The following EIF5B variants were observed in gnomAD, a reference collection of about 807,000 sequenced individuals.
EIF5B encodes the protein eIF-5B.
A neutral mutation model predicts 147.5 loss-of-function variants in EIF5B; 47 were observed. The observed-to-expected ratio is 0.32, with a 90% CI of 0.25 to 0.41. The LOEUF is 0.41. EIF5B is among the 10% of genes least tolerant of loss of function. The probability of loss-of-function intolerance (pLI) is 1.00; values close to 1 mark genes in which losing one functional copy is unlikely to be tolerated. For synonymous variants in EIF5B, 455 were observed against 456.2 expected, an observed-to-expected ratio of 1.00 and a Z score of 0.03; for missense variants, 1,064 against 1,413.2, an observed-to-expected ratio of 0.75 and a Z score of 3.96.
intron 1 of EIF5B, among the ~76,000 whole-genome samples, chr2:99,338,142 C>T (rs1452461336): frequency 6.8e-6 from 1 of 148,016 alleles, no homozygotes; most frequent in Admixed American, 7.0e-5. Context: ...TTGTCCAGCC[C>T]TCATGCTTTT....
chr2:99,338,413 T>C, intron 1 of EIF5B: 1 of 1,108,592 alleles, frequency 9.0e-7, no homozygotes, highest in Non-Finnish European at 1.2e-6. Context: ...CAACATCTGT[T>C]ACATTACACG....
At chr2:99,343,146 C>T (rs1428037400) in intron 1 of EIF5B, among the ~76,000 whole-genome samples, 2 of 151,114 alleles carry the variant, frequency 1.3e-5, no homozygotes, top group Non-Finnish European at 3.0e-5. Context: ...AGTAGAGATG[C>T]GGTTTCACCA....
rs1475022117 is a variant in EIF5B at position 99,360,367 on chromosome 2, T to G, written c.161+6T>G. 6.3e-7 allele frequency: 1 copy of G among 1,585,116 alleles called. No individual in the cohort carries two copies. On this transcript the variant is annotated splice_donor_region_variant and intron_variant, in intron 2 of 23. Transcript: ENST00000289371. ...AAAAAAAAGCAGGACTTTGAGTAAG[T>G]ATATTTTAAATATATTTGATTTTTA...
In EIF5B at chr2:99,394,576, A is replaced by AT; in HGVS notation, c.3081dup (p.Asp1028Ter). Reference sequence around the variant, plus strand: ...ATGAAGGCTTCAGTGATGTTGGAACATGACCCTCAGTAAGTAATTTCTCTT... The same window carrying AT: ...ATGAAGGCTTCAGTGATGTTGGAACATTGACCCTCAGTAAGTAATTTCTCTT... On this transcript the variant is annotated frameshift_variant, in exon 20 of 24. Transcript: ENST00000289371. LOFTEE classifies it high-confidence loss of function. 6.2e-7 allele frequency: 1 copy of AT among 1,614,204 alleles called. No individual in the cohort carries two copies. The highest frequency in any genetic ancestry group is 8.5e-7 in the Non-Finnish European group (1 of 1,180,028).
intron 1 of EIF5B, among the ~76,000 whole-genome samples, chr2:99,346,503 A>C (rs2094273612): frequency 6.6e-6 from 1 of 151,772 alleles, no homozygotes; most frequent in African/African-American, 2.4e-5. Flanking sequence ...ATTAAGGATC[A>C]GAGTTAACTT....
intron 14 of EIF5B, among the ~76,000 whole-genome samples, chr2:99,389,314 T>C (rs1162133508): frequency 1.3e-5 from 2 of 152,352 alleles, no homozygotes; most frequent in African/African-American, 4.8e-5. Flanking sequence ...TAAAATAGGC[T>C]GTTCCCTTAG....
intron 12 of EIF5B, among the ~76,000 whole-genome samples, chr2:99,381,737 T>C (rs1175132380): frequency 1.3e-5 from 2 of 152,136 alleles, no homozygotes; most frequent in African/African-American, 4.8e-5. Context: ...AAATTTACTT[T>C]AAAATGTACT....
intron 6 of EIF5B, among the ~76,000 whole-genome samples, chr2:99,367,009 T>C (rs1674341062): frequency 6.6e-6 from 1 of 152,188 alleles, no homozygotes; most frequent in African/African-American, 2.4e-5. Context: ...CCAAAACCAG[T>C]TTTAATTCCC....
intron 14 of EIF5B, among the ~76,000 whole-genome samples, chr2:99,383,859 G>T (rs1380295781): frequency 8.3e-6 from 1 of 120,916 alleles, no homozygotes; most frequent in Non-Finnish European, 1.8e-5. Flanking sequence ...CAAAGGTCAG[G>T]CTGACTCTCT....
chr2:99,390,513 A>T, intron 16 of EIF5B, 31 bp from the exon 17 acceptor site: 1 of 1,598,912 alleles, frequency 6.3e-7, no homozygotes, highest in Non-Finnish European at 8.5e-7. Flanking sequence ...CATTGTATGT[A>T]TGTCTTTCTC....
At chr2:99,375,132 A>G (rs1336149229) in intron 9 of EIF5B, among the ~76,000 whole-genome samples, 1 of 152,226 alleles carries the variant, frequency 6.6e-6, no homozygotes, top group Admixed American at 6.5e-5. Flanking sequence ...TGTTAGAAGC[A>G]CAGCCATTTT....
At position 99,361,435 on chromosome 2, in the gene EIF5B, A is replaced by C. The variant is rs1207637308; in HGVS notation, c.534A>C (p.Ser178=). 10 of 1,614,054 alleles carry C rather than the reference A, an allele frequency of 6.2e-6. No individual in the cohort carries two copies. The highest frequency in any genetic ancestry group is 8.5e-6 in the Non-Finnish European group (10 of 1,180,022). The change falls in exon 4 of 24, where the codon TCA becomes TCC. Residue 178 remains serine, a synonymous_variant. Coordinates refer to ENST00000289371, the MANE Select transcript of EIF5B (RefSeq NM_015904.4). ...ACAGTAAAAAAATTAAAGAGCGTTC[A>C]AGAATAAATTCTTCTGGTGAAAGTG... is the stretch of plus-strand genomic sequence containing the variant. ...EDNSKKIKER[S]RINSSGESGD...
At chr2:99,337,622 C>T (rs1422590591) in intron 1 of EIF5B, 33 bp downstream of exon 1, 9 of 1,594,734 alleles carry the variant, frequency 5.6e-6, no homozygotes, top group African/African-American at 4.0e-5. Context: ...CGGCGGCGGC[C>T]GCCGTGGCTC....
chr2:99,352,830 G>A (rs1674000320), intron 1 of EIF5B, among the ~76,000 whole-genome samples: 1 of 151,630 alleles, frequency 6.6e-6, no homozygotes, highest in South Asian at 2.1e-4. Flanking sequence ...GATTATTATA[G>A]ATTCATATAG....
intron 17 of EIF5B, among the ~76,000 whole-genome samples, chr2:99,392,574 A>G (rs1306073103): frequency 6.6e-6 from 1 of 152,152 alleles, no homozygotes; most frequent in Non-Finnish European, 1.5e-5. Flanking sequence ...TGTGTAGCTC[A>G]TTGCCGTTTC....
chr2:99,379,465 C>A, intron 12 of EIF5B, 37 bp downstream of exon 12: 1 of 1,501,064 alleles, frequency 6.7e-7, no homozygotes, highest in South Asian at 1.2e-5. Context: ...TAATCTCTGA[C>A]AAAAATTAAG....
intron 12 of EIF5B, among the ~76,000 whole-genome samples, chr2:99,381,337 A>G (rs1219393531): frequency 1.3e-5 from 2 of 152,282 alleles, no homozygotes; most frequent in African/African-American, 2.4e-5. Context: ...GACAATTGTA[A>G]TTACTTACTG....
intron 1 of EIF5B, among the ~76,000 whole-genome samples, chr2:99,348,241 TTTA>T (rs879442505): frequency 6.6e-6 from 1 of 152,220 alleles, no homozygotes; most frequent in African/African-American, 2.4e-5. Context: ...TCATATCCCT[TTTA>T]AAGGAGTCAC....
chr2:99,386,070 T>G (rs1345708417), intron 14 of EIF5B, among the ~76,000 whole-genome samples: 1 of 152,260 alleles, frequency 6.6e-6, no homozygotes, highest in Non-Finnish European at 1.5e-5. Flanking sequence ...TCCTTTTTAT[T>G]TTTGAATAGT....
Sources: allele counts gnomAD v4.1 joint callset (sites outside exome capture counted in the v4.1 genomes callset), GRCh38; gene constraint gnomAD v4.1.1; transcripts MANE v1.5; gene names NCBI Gene and HGNC (gene_info 2026-07-23, HGNC 2026-07-21).